Variants in TAF3 observed in about 807,000 individuals in gnomAD.
TAF3 encodes the protein TATA-box binding protein associated factor 3, also known as transcription initiation factor TFIID subunit 3.
TAF3 carries 7 observed loss-of-function variants against 80.6 expected under a neutral mutation model. The ratio of observed to expected loss-of-function variants is 0.09; its 90% CI spans 0.05 to 0.16. The LOEUF (loss-of-function observed/expected upper bound fraction) is 0.16, where lower values mean the gene tolerates loss of function less well. Ranked by LOEUF, TAF3 falls within the 10% of genes least tolerant of loss-of-function variation. The probability of loss-of-function intolerance (pLI) is 1.00; values close to 1 mark genes in which losing one functional copy is unlikely to be tolerated. For synonymous variants in TAF3, 444 were observed against 446.1 expected, an observed-to-expected ratio of 1.00 and a Z score of 0.06; for missense variants, 921 against 1,140.2, an observed-to-expected ratio of 0.81 and a Z score of 2.77.
At chr10:7,883,142 G>A (rs545868786) in intron 2 of TAF3, among the ~76,000 whole-genome samples, 7 of 152,332 alleles carry the variant, frequency 4.6e-5, no homozygotes, top group Admixed American at 3.9e-4. Flanking sequence ...ACCCTCCGTA[G>A]CAAAAGGAAA....
chr10:7,897,796 A>T (rs1837519558), intron 2 of TAF3, among the ~76,000 whole-genome samples: 1 of 151,636 alleles, frequency 6.6e-6, no homozygotes, highest in Non-Finnish European at 1.5e-5. Flanking sequence ...TGTAGCTGGG[A>T]CCATAGGCGT....
intron 2 of TAF3, among the ~76,000 whole-genome samples, chr10:7,876,313 T>C (rs941552739): frequency 1.5e-4 from 23 of 152,228 alleles, no homozygotes; most frequent in African/African-American, 5.3e-4. Flanking sequence ...AGCAATACTT[T>C]AGCTTCACAT....
chr10:7,838,911 T>G (rs865874247), intron 2 of TAF3, among the ~76,000 whole-genome samples: 2 of 139,426 alleles, frequency 1.4e-5, no homozygotes, highest in African/African-American at 5.3e-5. Flanking sequence ...ATTGCTTGTT[T>G]TTTTTTTTTT....
At chr10:7,980,797 G>T (rs1753634191) in intron 4 of TAF3, among the ~76,000 whole-genome samples, 2 of 152,214 alleles carry the variant, frequency 1.3e-5, no homozygotes, top group Admixed American at 1.3e-4. Flanking sequence ...CTTGGGGCTG[G>T]GAGCAGGGTG....
At chr10:7,938,319 C>G (rs879740897) in intron 2 of TAF3, among the ~76,000 whole-genome samples, 4 of 151,946 alleles carry the variant, frequency 2.6e-5, no homozygotes, top group Non-Finnish European at 5.9e-5. Context: ...CGCAGGAGGA[C>G]AGGGTGGAGG....
rs572777715 is a variant in TAF3, at chr10:7,938,712, A to G, written c.410-25208A>G. On this transcript the variant is annotated intron_variant, in intron 2 of 6. Coordinates refer to ENST00000344293, the MANE Select transcript of TAF3 (RefSeq NM_031923.4). ...AGATAAGAGAGGAGGAATCTTGAAG[A>G]TAAAGATTTAGGAGTCAGCAACATT... is the stretch of plus-strand genomic sequence containing the variant. 2.4e-4 allele frequency among the ~76,000 whole-genome samples: 36 copies of G among 152,368 alleles called. No individual in the cohort carries two copies. The South Asian group carries it at 4.3e-3, about 18-fold the overall frequency.
At chr10:7,886,425 T>C (rs1347082136) in intron 2 of TAF3, among the ~76,000 whole-genome samples, 1 of 152,242 alleles carries the variant, frequency 6.6e-6, no homozygotes, top group African/African-American at 2.4e-5. Context: ...CCTTTATTTT[T>C]TAATCATGAA....
At chr10:7,822,663 T>A (rs929585149) in intron 1 of TAF3, among the ~76,000 whole-genome samples, 3 of 152,154 alleles carry the variant, frequency 2.0e-5, no homozygotes, top group Admixed American at 6.5e-5. Flanking sequence ...CTAGCAATAT[T>A]TGGATTCTTT....
chr10:8,008,092 C>CTTTTTTTTT (rs1162726965), intron 4 of TAF3, among the ~76,000 whole-genome samples: 1 of 106,038 alleles, frequency 9.4e-6, no homozygotes, highest in Non-Finnish European at 1.9e-5. Flanking sequence ...TGGGAACAAT[C>CTTTTTTTTT]TTTTTTTTTT....
At chr10:7,971,975 C>T (rs1831627454) in intron 3 of TAF3, among the ~76,000 whole-genome samples, 1 of 152,194 alleles carries the variant, frequency 6.6e-6, no homozygotes, top group African/African-American at 2.4e-5. Context: ...TCTTATATTG[C>T]TGGACTTTAC....
chr10:7,892,189 A>G (rs966835658), intron 2 of TAF3, among the ~76,000 whole-genome samples: 1 of 152,160 alleles, frequency 6.6e-6, no homozygotes, highest in South Asian at 2.1e-4. Context: ...AGAGTTTCAA[A>G]TTTTCTATGC....
chr10:7,882,479 A>G (rs1252436476), intron 2 of TAF3, among the ~76,000 whole-genome samples: 1 of 152,188 alleles, frequency 6.6e-6, no homozygotes, highest in Non-Finnish European at 1.5e-5. Context: ...TTGGTCGTTA[A>G]AAAAAAGAAT....
chr10:7,943,889 A>T (rs1439822397), intron 2 of TAF3, among the ~76,000 whole-genome samples: 3 of 152,114 alleles, frequency 2.0e-5, no homozygotes, highest in Non-Finnish European at 4.4e-5. Flanking sequence ...TATTTGGAGG[A>T]TGAGCAATTT....
chr10:7,883,848 G>T (rs1414929238), intron 2 of TAF3, among the ~76,000 whole-genome samples: 1 of 152,180 alleles, frequency 6.6e-6, no homozygotes, highest in Non-Finnish European at 1.5e-5. Context: ...TATGGTTATG[G>T]CAGTTGGGAA....
In TAF3 at chr10:7,818,590, C is replaced by T; in HGVS notation, c.-120C>T. On this transcript the variant is annotated 5_prime_UTR_variant, in exon 1 of 7. Transcript: ENST00000344293. ...GGGCTTTGAGGTGGTCGCCGGGGGT[C>T]CGGGGGACCCTTTCCCCGCCGCGGA... 8.5e-7 allele frequency: 1 copy of T among 1,182,908 alleles called. No individual in the cohort carries two copies. The highest frequency in any genetic ancestry group is 1.1e-6 in the Non-Finnish European group (1 of 888,116). The allele number at this position is 1,182,908 out of a possible 1,614,324, so 73.3% of individuals were successfully genotyped here. A position where few individuals can be genotyped will look rare whatever the true frequency, so the allele number is the denominator to read the frequency against.
At chr10:7,851,224 A>C (rs1046830234) in intron 2 of TAF3, among the ~76,000 whole-genome samples, 27 of 152,208 alleles carry the variant, frequency 1.8e-4, no homozygotes, top group Non-Finnish European at 3.5e-4. Context: ...GCAACATTCT[A>C]GCAAAGACTT....
chr10:7,998,510 TG>T (rs371440621), intron 4 of TAF3, among the ~76,000 whole-genome samples: 382 of 152,158 alleles, frequency 2.5e-3, no homozygotes, highest in African/African-American at 8.9e-3. Flanking sequence ...GCCATTCTAA[TG>T]GGCGCCATTA....
intron 2 of TAF3, among the ~76,000 whole-genome samples, chr10:7,860,290 GAAAA>G (rs928520189): frequency 2.2e-5 from 3 of 135,794 alleles, no homozygotes; most frequent in African/African-American, 8.1e-5. Context: ...AAAAAAAGAA[GAAAA>G]AAAAAAAGAA....
chr10:8,011,378 C>T (rs528262260), intron 5 of TAF3, among the ~76,000 whole-genome samples: 41 of 152,236 alleles, frequency 2.7e-4, no homozygotes, highest in African/African-American at 9.9e-4. Context: ...CTCAGCCTCC[C>T]GAGTAGCTGG....
Sources: gnomAD v4.1 joint callset for allele counts (sites outside exome capture counted in the v4.1 genomes callset) on GRCh38, gnomAD v4.1.1 for gene constraint, MANE v1.5 for transcripts, NCBI Gene and HGNC (gene_info 2026-07-23, HGNC 2026-07-21) for gene names.